Variants in DNAAF5 observed in about 807,000 individuals in gnomAD.
DNAAF5 encodes dynein axonemal assembly factor 5.
Under a neutral mutation model 75.8 loss-of-function variants are expected in DNAAF5, and 64 were observed. The ratio of observed to expected loss-of-function variants is 0.84; its 90% confidence interval spans 0.69 to 1.04. The LOEUF (loss-of-function observed/expected upper bound fraction) is 1.04, where lower values mean the gene tolerates loss of function less well. DNAAF5 is among the 50% of genes least tolerant of loss of function. The probability of loss-of-function intolerance (pLI) is 0.00; values close to 1 mark genes in which losing one functional copy is unlikely to be tolerated. For missense variants in DNAAF5, 1,269 were observed against 1,178.5 expected, an observed-to-expected ratio of 1.08 and a Z score of -1.12; for synonymous variants, 657 against 557.2, an observed-to-expected ratio of 1.18 and a Z score of -2.52.
intron 6 of DNAAF5, among the ~76,000 whole-genome samples, chr7:760,350 A>G (rs1431685789): frequency 6.6e-6 from 1 of 152,224 alleles, no homozygotes; most frequent in Non-Finnish European, 1.5e-5. Context: ...CACCCCCATT[A>G]GTAAAAACAG....
intron 6 of DNAAF5, 91 bp from the exon 7 acceptor site, chr7:761,662 G>A (rs1782648113): frequency 1.5e-6 from 2 of 1,353,498 alleles, no homozygotes; most frequent in African/African-American, 1.4e-5. Flanking sequence ...AGGATACGTG[G>A]GGATTATGGG....
intron 5 of DNAAF5, among the ~76,000 whole-genome samples, chr7:755,363 A>G (rs981398536): frequency 6.6e-6 from 1 of 152,140 alleles, no homozygotes. Context: ...TCCCATGCTC[A>G]GGCCTCTCCT....
In DNAAF5 at chr7:761,807, C is replaced by T; in HGVS notation, c.1525C>T (p.His509Tyr). 1 of 1,609,232 alleles carries T rather than the reference C, an allele frequency of 6.2e-7. No individual in the cohort carries two copies. Among genetic ancestry groups the T allele is most frequent in the Non-Finnish European group, 8.5e-7 (1 of 1,177,890 alleles). The change falls in exon 7 of 13, where the codon CAT (histidine) becomes TAT (tyrosine). Residue 509 changes from histidine (H) to tyrosine (Y), a missense_variant. Physicochemically the swap from His to Tyr is moderately conservative, Grantham distance 83. Coordinates refer to ENST00000297440, the MANE Select transcript of DNAAF5 (RefSeq NM_017802.4). ...LCVQALVSVC[H>Y]EDCGVASLQL... ...TGTGCAGGCTCTGGTGTCTGTGTGT[C>T]ATGAGGACTGTGGCGTGGCCAGCCT...
chr7:729,526 C>A (rs2128068837), intron 1 of DNAAF5, 137 bp from the exon 2 acceptor site: 2 of 762,794 alleles, frequency 2.6e-6, no homozygotes, highest in South Asian at 3.5e-5. Flanking sequence ...GTGTACTGTT[C>A]ATGCAGCAAG....
intron 6 of DNAAF5, among the ~76,000 whole-genome samples, chr7:760,179 G>A (rs1486009467): frequency 6.6e-6 from 1 of 152,134 alleles, no homozygotes. Flanking sequence ...GCGGGGCCGG[G>A]GTGCAAGGAC....
In DNAAF5 at chr7:741,452, T is replaced by G; in HGVS notation, c.1011T>G (p.His337Gln). The change falls in exon 4 of 13, where the codon CAT becomes CAG. Residue 337 changes from histidine (H) to glutamine (Q), a missense_variant. Transcript: ENST00000297440. ...ACTTTGCCCCTCCCACCCCACCCCA[T>G]TACCCTCCACATGGTGAGTGACCGC... ...KLDFAPPTPP[H>Q]YPPHERRPVL... 1 of 1,017,278 alleles carries G rather than the reference T, an allele frequency of 9.8e-7. No individual in the cohort carries two copies. Among genetic ancestry groups the G allele is most frequent in the Non-Finnish European group, 1.4e-6 (1 of 719,948 alleles). The allele number at this position is 1,017,278 out of a possible 1,614,324, so 63.0% of individuals were successfully genotyped here.
rs926185028 is a variant in DNAAF5, at chr7:761,892, A to G, written c.1610A>G (p.Asp537Gly). The change falls in exon 7 of 13, where the codon GAC becomes GGC. Residue 537 changes from aspartate to glycine, a missense_variant. Transcript: ENST00000297440. ...VALAGATGLR[D>G]KAQETMDSLA... ...CTCGCAGGTGCTACCGGCCTGAGGGACAAGGTAAGGCTGACAGTGGTGGCT... is the reference window on the plus strand; with the variant it reads ...CTCGCAGGTGCTACCGGCCTGAGGGGCAAGGTAAGGCTGACAGTGGTGGCT... 4 of 1,570,782 alleles carry G rather than the reference A, an allele frequency of 2.5e-6. No homozygotes were observed. The African/African-American group carries it at 4.1e-5, about 16-fold the overall frequency.
At chr7:738,475 T>C (rs1438068900) in intron 2 of DNAAF5, among the ~76,000 whole-genome samples, 1 of 152,278 alleles carries the variant, frequency 6.6e-6, no homozygotes, top group South Asian at 2.1e-4. Flanking sequence ...CTGATGCTTG[T>C]GGCTGTTGGT....
At chr7:773,790 C>A (rs996576980) in intron 9 of DNAAF5, among the ~76,000 whole-genome samples, 3 of 152,130 alleles carry the variant, frequency 2.0e-5, no homozygotes, top group Non-Finnish European at 4.4e-5. Flanking sequence ...TGGCTCGCCT[C>A]TGGAGAACAG....
intron 6 of DNAAF5, 62 bp downstream of exon 6, chr7:757,056 C>T: frequency 6.8e-7 from 1 of 1,477,582 alleles, no homozygotes; most frequent in African/African-American, 1.4e-5. Context: ...GGCCGTCAGC[C>T]ATCGTAATGA....
chr7:744,063 A>T (rs1181527939), intron 4 of DNAAF5, among the ~76,000 whole-genome samples: 3 of 151,832 alleles, frequency 2.0e-5, no homozygotes, highest in Non-Finnish European at 4.4e-5. Flanking sequence ...AGCATTAGGT[A>T]TATCTCCTAA....
chr7:784,552 C>G (rs1779089064), intron 12 of DNAAF5, among the ~76,000 whole-genome samples: 1 of 152,198 alleles, frequency 6.6e-6, no homozygotes, highest in South Asian at 2.1e-4. Context: ...CTTTCTGGCC[C>G]CCACCCCTGC....
chr7:775,978 A>C (rs987163542), intron 11 of DNAAF5, among the ~76,000 whole-genome samples: 4 of 152,154 alleles, frequency 2.6e-5, no homozygotes, highest in African/African-American at 9.7e-5. Context: ...GATTCCTGGA[A>C]CCAAACCCCA....
intron 4 of DNAAF5, among the ~76,000 whole-genome samples, chr7:745,066 C>T (rs563328867): frequency 3.3e-5 from 5 of 152,310 alleles, no homozygotes; most frequent in African/African-American, 1.2e-4. Flanking sequence ...TGGGCTTCTG[C>T]GTTGGTCGGA....
At chr7:780,996 G>C (rs1778922477) in intron 12 of DNAAF5, among the ~76,000 whole-genome samples, 1 of 152,058 alleles carries the variant, frequency 6.6e-6, no homozygotes, top group African/African-American at 2.4e-5. Flanking sequence ...GGGAAATGGG[G>C]TCCCCGTCAC....
At chr7:738,662 G>C (rs1781808484) in intron 2 of DNAAF5, among the ~76,000 whole-genome samples, 3 of 152,264 alleles carry the variant, frequency 2.0e-5, no homozygotes, top group Middle Eastern at 3.4e-3. Context: ...TGAACTAAAA[G>C]AAAAGGGATA....
chr7:752,350 CAGAGTGATG>C, intron 4 of DNAAF5, among the ~76,000 whole-genome samples: 1 of 147,338 alleles, frequency 6.8e-6, no homozygotes, highest in Non-Finnish European at 1.5e-5. Flanking sequence ...CAAAAGACCG[CAGAGTGATG>C]ACGAAGCCTT....
chr7:740,605 G>A (rs1429126618), intron 2 of DNAAF5, among the ~76,000 whole-genome samples: 2 of 152,228 alleles, frequency 1.3e-5, no homozygotes, highest in African/African-American at 4.8e-5. Flanking sequence ...GGGACTGGCG[G>A]AGCTGGCCGG....
chr7:744,208 C>T (rs141457713), intron 4 of DNAAF5, among the ~76,000 whole-genome samples: 7,620 of 152,054 alleles, frequency 0.05, 502 homozygotes, highest in African/African-American at 0.15. Flanking sequence ...TTTGTTCTTG[C>T]GATAGTTTAC....
Sources: allele counts gnomAD v4.1 joint callset (sites outside exome capture counted in the v4.1 genomes callset), GRCh38; gene constraint gnomAD v4.1.1; transcripts MANE v1.5; gene names NCBI Gene and HGNC (gene_info 2026-07-23, HGNC 2026-07-21).